The following GPR107 variants were observed in gnomAD, a reference collection of about 807,000 sequenced individuals.
The protein encoded by GPR107 is G protein-coupled receptor 107, also known as protein GPR107.
In GPR107, 31 loss-of-function variants were observed where a neutral mutation model predicts 75.5. That is an observed-to-expected ratio of 0.41 (90% CI 0.31 to 0.55). The LOEUF (loss-of-function observed/expected upper bound fraction) is 0.55. Among genes scored for constraint, GPR107 ranks in the 20% least tolerant of loss-of-function variants. GPR107 has a pLI of 0.26. For missense variants in GPR107, 572 were observed against 665.7 expected, an observed-to-expected ratio of 0.86 and a Z score of 1.55; for synonymous variants, 267 against 251.3, an observed-to-expected ratio of 1.06 and a Z score of -0.59.
chr9:130,065,449 A>G (rs1212288585), intron 1 of GPR107, among the ~76,000 whole-genome samples: 1 of 149,066 alleles, frequency 6.7e-6, no homozygotes, highest in Non-Finnish European at 1.5e-5. Flanking sequence ...AAAACATAAT[A>G]ATAATAAATA....
intron 9 of GPR107, among the ~76,000 whole-genome samples, chr9:130,093,268 G>A (rs1353758353): frequency 4.6e-5 from 7 of 152,090 alleles, no homozygotes; most frequent in African/African-American, 1.7e-4. Context: ...GAGGGGAGCA[G>A]CTGCATATGC....
intron 1 of GPR107, among the ~76,000 whole-genome samples, chr9:130,062,652 GCCTGCCTGCCTT>G (rs751848788): frequency 0.55 from 59,506 of 108,634 alleles, 13,201 homozygotes; most frequent in East Asian, 0.76. Context: ...CTGCCTGCCT[GCCTGCCTGCCTT>G]CCTTCCTTCC....
chr9:130,113,819 G>C (rs1404059100), intron 14 of GPR107, among the ~76,000 whole-genome samples: 1 of 152,094 alleles, frequency 6.6e-6, no homozygotes, highest in Non-Finnish European at 1.5e-5. Flanking sequence ...GCAACCTCTT[G>C]TCAGGTTTTA....
chr9:130,074,062 C>T (rs181415626), intron 1 of GPR107, among the ~76,000 whole-genome samples: 1 of 152,294 alleles, frequency 6.6e-6, no homozygotes, highest in Non-Finnish European at 1.5e-5. Context: ...CGGCCGAGTC[C>T]TGGGTTTTTA....
chr9:130,083,442 G>T, intron 5 of GPR107, 123 bp from the exon 6 acceptor site: 1 of 506,640 alleles, frequency 2.0e-6, no homozygotes, highest in East Asian at 3.5e-5. Context: ...CAGTCCCCAA[G>T]ATTATTTTGT....
intron 13 of GPR107, among the ~76,000 whole-genome samples, chr9:130,106,873 A>T (rs954923841): frequency 2.0e-5 from 3 of 151,988 alleles, no homozygotes; most frequent in African/African-American, 7.3e-5. Flanking sequence ...CCCTCAGGGA[A>T]GTCTCTCTGT....
At position 130,137,130 on chromosome 9, in the gene GPR107, T is replaced by C. The variant is rs555189426; in HGVS notation, c.*2009T>C. ...CTGTTTCTCCCGCAAGCAGATGTTG[T>C]GGATGAGGCGATAGACTCCTTGGCA... On this transcript the variant is annotated 3_prime_UTR_variant, in exon 18 of 18. Coordinates refer to ENST00000347136, the MANE Select transcript of GPR107 (RefSeq NM_020960.5). 6.6e-6 allele frequency: 1 copy of C among 152,376 alleles called. No individual in the cohort carries two copies. Among genetic ancestry groups the C allele is most frequent in the East Asian group, 1.9e-4 (1 of 5,188 alleles). 9.4% of individuals were successfully genotyped at this position (152,376 alleles called of 1,614,324 possible).
intron 10 of GPR107, among the ~76,000 whole-genome samples, chr9:130,100,051 C>T (rs10988592): frequency 6.6e-5 from 10 of 151,588 alleles, no homozygotes; most frequent in African/African-American, 1.9e-4. Context: ...CCCGCCACCA[C>T]GCCCAGCTAA....
intron 1 of GPR107, among the ~76,000 whole-genome samples, chr9:130,072,864 G>C (rs980640045): frequency 3.3e-5 from 5 of 152,202 alleles, no homozygotes; most frequent in African/African-American, 1.2e-4. Flanking sequence ...CTTCATGCTG[G>C]ACCAATTAGA....
intron 17 of GPR107, among the ~76,000 whole-genome samples, chr9:130,130,894 C>T (rs868995383): frequency 1.3e-4 from 12 of 91,062 alleles, no homozygotes; most frequent in African/African-American, 4.6e-4. Context: ...AAAAAAAAAA[C>T]GCATGAATCC....
At chr9:130,057,387 A>G (rs1829819163) in intron 1 of GPR107, among the ~76,000 whole-genome samples, 1 of 151,682 alleles carries the variant, frequency 6.6e-6, no homozygotes, top group African/African-American at 2.4e-5. Context: ...GTGCATACCT[A>G]TAGTCCCAGC....
At chr9:130,107,791 G>A (rs371271945) in intron 14 of GPR107, among the ~76,000 whole-genome samples, 6 of 152,174 alleles carry the variant, frequency 3.9e-5, no homozygotes, top group South Asian at 2.1e-4. Flanking sequence ...ATTTCCACTC[G>A]TGGTTGTGAT....
Position 130,112,090 on chromosome 9 carries a change from A to G in GPR107, c.1306+4551A>G, listed in dbSNP as rs543596970. On this transcript the variant is annotated intron_variant, in intron 14 of 17. Coordinates refer to ENST00000347136, the MANE Select transcript of GPR107 (RefSeq NM_020960.5). This position sits in a 1 kb window ranked among gnomAD's most constrained non-coding sequence, Gnocchi z 4.0. Reference sequence around the variant, plus strand: ...CCTTATAGGACTGGCGTCGAGATACACACCGTAAATTTAATTAACAGTCTC... The same window carrying G: ...CCTTATAGGACTGGCGTCGAGATACGCACCGTAAATTTAATTAACAGTCTC... Among the ~76,000 whole-genome samples the G allele has an allele frequency of 2.6e-5, 4 of 152,188 alleles. No individual in the cohort carries two copies. The highest frequency in any genetic ancestry group is 5.9e-5 in the Non-Finnish European group (4 of 68,036).
intron 12 of GPR107, among the ~76,000 whole-genome samples, chr9:130,101,588 A>G (rs1442695320): frequency 1.3e-5 from 2 of 152,120 alleles, no homozygotes; most frequent in East Asian, 1.9e-4. Context: ...TTAACAAAGT[A>G]TTTTAAAACC....
chr9:130,054,062 C>T lies in GPR107; in HGVS notation c.130C>T (p.Leu44=). ...AEPGLGRVHH[L]ALKDDVRHKV... ...GCCTGGCCTGGGCCGCGTCCATCACCTGGCACTCAAGGTAAAGCTTGGCAA... is the reference window on the plus strand; with the variant it reads ...GCCTGGCCTGGGCCGCGTCCATCACTTGGCACTCAAGGTAAAGCTTGGCAA... Residue 44 remains leucine, a synonymous_variant, in exon 1 of 18, where the codon CTG becomes TTG. Transcript: ENST00000347136. The T allele has an allele frequency of 1.9e-6, 3 of 1,552,970 alleles. No individual in the cohort carries two copies. Among genetic ancestry groups the T allele is most frequent in the Non-Finnish European group, 2.6e-6 (3 of 1,148,184 alleles).
chr9:130,100,917 C>G (rs568270425), intron 11 of GPR107, among the ~76,000 whole-genome samples, 189 bp from the exon 12 acceptor site: 1 of 152,318 alleles, frequency 6.6e-6, no homozygotes, highest in South Asian at 2.1e-4. Context: ...CATTGGCTGT[C>G]CAGGCTGTGG....
chr9:130,109,619 G>C (rs533465047), intron 14 of GPR107, among the ~76,000 whole-genome samples: 49 of 150,106 alleles, frequency 3.3e-4, no homozygotes, highest in African/African-American at 1.2e-3. Flanking sequence ...TGCCAGGCTG[G>C]AGTGCAGTGA....
intron 14 of GPR107, among the ~76,000 whole-genome samples, chr9:130,109,571 CTT>C (rs869222805): frequency 9.9e-5 from 6 of 60,484 alleles, no homozygotes; most frequent in Admixed American, 1.5e-4. Context: ...CTTTTTCTTT[CTT>C]TTTTTTTTTT....
chr9:130,086,583 C>T lies in GPR107; in HGVS notation c.621+107C>T, dbSNP rs2132582208. ...ATTTAGGAATAACAACTTAGGTATG[C>T]CCTGTATCAGTCACTTAAATGCAGT... On this transcript the variant is annotated intron_variant, in intron 7 of 17. Transcript: ENST00000347136. 4.1e-6 allele frequency: 3 copies of T among 727,376 alleles called. No individual in the cohort carries two copies. The South Asian group carries it at 4.7e-5, about 11-fold the overall frequency. The allele number at this position is 727,376 out of a possible 1,614,324, so 45.1% of individuals were successfully genotyped here. A position where few individuals can be genotyped will look rare whatever the true frequency, so the allele number is the denominator to read the frequency against.
Sources: allele counts gnomAD v4.1 joint callset (sites outside exome capture counted in the v4.1 genomes callset), GRCh38; gene constraint gnomAD v4.1.1; non-coding constraint Gnocchi (gnomAD v3.1); transcripts MANE v1.5; gene names NCBI Gene and HGNC (gene_info 2026-07-23, HGNC 2026-07-21).